Variants in CLEC14A observed in about 807,000 individuals in gnomAD.
CLEC14A encodes C-type lectin domain containing 14A, also known as C-type lectin domain family 14 member A.
For synonymous variants in CLEC14A, 349 were observed against 292.0 expected, an observed-to-expected ratio of 1.20 and a Z score of -1.99; for missense variants, 682 against 659.9, an observed-to-expected ratio of 1.03 and a Z score of -0.37.
In CLEC14A at chr14:38,256,025, T is replaced by G. The variant is rs1884051664; in HGVS notation, c.-3A>C. 6.6e-7 allele frequency: 1 copy of G among 1,518,514 alleles called. No individual in the cohort carries two copies. Among genetic ancestry groups the G allele is most frequent in the South Asian group, 1.2e-5 (1 of 80,010 alleles). The allele number at this position is 1,518,514 out of a possible 1,614,324, so 94.1% of individuals were successfully genotyped here. A position where few individuals can be genotyped will look rare whatever the true frequency, so the allele number is the denominator to read the frequency against. ...CACAGGGCGAACGCCGGCCTCATTC[T>G]CTGAGGCCCCGCACGCAGAGCTGCT... On this transcript the variant is annotated 5_prime_UTR_variant, in exon 1 of 1. Coordinates refer to ENST00000342213, the MANE Select transcript of CLEC14A (RefSeq NM_175060.3).
Position 38,255,838 on chromosome 14 carries a change from C to G in CLEC14A, c.185G>C (p.Ser62Thr). 1 of 1,546,428 alleles carries G rather than the reference C, an allele frequency of 6.5e-7. No homozygotes were observed. Among genetic ancestry groups the G allele is most frequent in the South Asian group, 1.2e-5 (1 of 84,794 alleles). Reference protein sequence around the residue: ...EACILRGGALSTVRAGAELRA... With the variant: ...EACILRGGALTTVRAGAELRA... Reference sequence around the variant, plus strand: ...CAGCTCGGCGCCCGCACGCACGGTGCTGAGCGCCCCACCTCGCAGGATGCA... The same window carrying G: ...CAGCTCGGCGCCCGCACGCACGGTGGTGAGCGCCCCACCTCGCAGGATGCA... Residue 62 changes from serine (S) to threonine (T), a missense_variant, in exon 1 of 1, where the codon AGC becomes ACC. Transcript: ENST00000342213. This position sits in a 1 kb window ranked among gnomAD's most constrained non-coding sequence, Gnocchi z 5.1.
rs757494573 is a variant in CLEC14A, at chr14:38,254,955, A to T, written c.1068T>A (p.Ser356=). The T allele has an allele frequency of 6.2e-7, 1 of 1,614,202 alleles. No homozygotes were observed. Among genetic ancestry groups the T allele is most frequent in the East Asian group, 2.2e-5 (1 of 44,864 alleles). Residue 356 remains serine, a synonymous_variant, in exon 1 of 1, where the codon TCT becomes TCA. Coordinates refer to ENST00000342213, the MANE Select transcript of CLEC14A (RefSeq NM_175060.3). ...CGGCTTGAAGGGACATTTGAAGGGT[A>T]GACATCGTGCTCTGTGATCCCCATC... The part of the protein sequence containing the change: ...IPRWGSQSTM[S]TLQMSLQAES...
In CLEC14A at chr14:38,255,785, C is replaced by A; in HGVS notation, c.238G>T (p.Gly80Cys). Residue 80 changes from glycine to cysteine, a missense_variant, in exon 1 of 1, where the codon GGC (glycine) becomes TGC (cysteine). Coordinates refer to ENST00000342213, the MANE Select transcript of CLEC14A (RefSeq NM_175060.3). The surrounding 1 kb of genome is among the most constrained non-coding windows in gnomAD (Gnocchi z 5.1). The stretch of plus-strand genomic sequence containing the variant: ...TTGGAGCCCCCTCCGGGCCCTGGGC[C>A]TGCCCGCAGGAGCGCGAGCACAGCG... The part of the protein sequence containing the change: ...LRAVLALLRA[G>C]PGPGGGSKDL... 6.5e-7 allele frequency: 1 copy of A among 1,542,912 alleles called. No homozygotes were observed. The highest frequency in any genetic ancestry group is 1.9e-5 in the Admixed American group (1 of 51,456).
At position 38,254,734 on chromosome 14, in the gene CLEC14A, G is replaced by C; in HGVS notation, c.1289C>G (p.Ser430Cys). ...LVKLCFHESP[S>C]SQPRKESMGP... ...CATAGACTCCTTCCTTGGCTGGGAA[G>C]AGGGGCTTTCGTGAAAGCAGAGCTT... Residue 430 changes from serine to cysteine, a missense_variant, in exon 1 of 1, where the codon TCT becomes TGT. Transcript: ENST00000342213. The C allele has an allele frequency of 6.2e-7, 1 of 1,614,114 alleles. No individual in the cohort carries two copies. The highest frequency in any genetic ancestry group is 1.1e-5 in the South Asian group (1 of 91,078).
In CLEC14A at chr14:38,255,931, C is replaced by G; in HGVS notation, c.92G>C (p.Cys31Ser). Reference sequence around the variant, plus strand: ...GCTGTAGCAGGCCCCCGAGGCCGAGCAGCCAGCACGGTCGGCAGTGGGGTG... The same window carrying G: ...GCTGTAGCAGGCCCCCGAGGCCGAGGAGCCAGCACGGTCGGCAGTGGGGTG... Reference protein sequence around the residue: ...GEHPTADRAGCSASGACYSLH... With the variant: ...GEHPTADRAGSSASGACYSLH... The change falls in exon 1 of 1, where the codon TGC becomes TCC. Residue 31 changes from cysteine to serine, a missense_variant. Transcript: ENST00000342213. The surrounding 1 kb of genome is among the most constrained non-coding windows in gnomAD (Gnocchi z 5.1). 1 of 1,565,496 alleles carries G rather than the reference C, an allele frequency of 6.4e-7. No homozygotes were observed. The highest frequency in any genetic ancestry group is 2.4e-5 in the East Asian group (1 of 42,214).
In CLEC14A at chr14:38,254,400, T is replaced by C. The variant is rs1883996917; in HGVS notation, c.*150A>G. On this transcript the variant is annotated 3_prime_UTR_variant, in exon 1 of 1. Transcript: ENST00000342213. Reference sequence around the variant, plus strand: ...CTATCATCAGGGAAGGAGTGTGCAGTTCTGATTTAGCTCCTCAGTGGAGTA... The same window carrying C: ...CTATCATCAGGGAAGGAGTGTGCAGCTCTGATTTAGCTCCTCAGTGGAGTA... 1.4e-6 allele frequency: 1 copy of C among 696,666 alleles called. No individual in the cohort carries two copies. Among genetic ancestry groups the C allele is most frequent in the Non-Finnish European group, 2.3e-6 (1 of 431,136 alleles). 43.2% of individuals were successfully genotyped at this position (696,666 alleles called of 1,614,324 possible). A position where few individuals can be genotyped will look rare whatever the true frequency, so the allele number is the denominator to read the frequency against.
chr14:38,255,450 G>C lies in CLEC14A; in HGVS notation c.573C>G (p.Ser191Arg). The C allele has an allele frequency of 1.2e-6, 2 of 1,613,308 alleles. No individual in the cohort carries two copies. ...APRPGAASNL[S>R]YRAPFQLHSA... The stretch of plus-strand genomic sequence containing the variant: ...TGTGCAGCTGGAAGGGCGCGCGATA[G>C]CTCAAGTTAGAGGCGGCCCCGGGGC... The change falls in exon 1 of 1, where the codon AGC becomes AGG. Residue 191 changes from serine (S) to arginine (R), a missense_variant. Transcript: ENST00000342213. The surrounding 1 kb of genome is among the most constrained non-coding windows in gnomAD (Gnocchi z 5.1).
Position 38,254,866 on chromosome 14 carries a change from G to T in CLEC14A, c.1157C>A (p.Ser386Tyr). The T allele has an allele frequency of 6.2e-7, 1 of 1,614,006 alleles. No individual in the cohort carries two copies. The highest frequency in any genetic ancestry group is 8.5e-7 in the Non-Finnish European group (1 of 1,179,946). ...VISKFNSTTS[S>Y]ATPQAFDSSS... ...GGAGTCGAAAGCCTGAGGAGTGGCA[G>T]AGGAAGTCGTAGAATTAAACTTGGA... is the stretch of plus-strand genomic sequence containing the variant. Residue 386 changes from serine to tyrosine, a missense_variant, in exon 1 of 1, where the codon TCT (serine) becomes TAT (tyrosine). Physicochemically the swap from Ser to Tyr is moderately radical, Grantham distance 144 (BLOSUM62 -2). Transcript: ENST00000342213.
At position 38,254,864 on chromosome 14, in the gene CLEC14A, C is replaced by T. The variant is rs985844647; in HGVS notation, c.1159G>A (p.Ala387Thr). The T allele has an allele frequency of 6.2e-7, 1 of 1,613,918 alleles. No homozygotes were observed. Among genetic ancestry groups the T allele is most frequent in the Non-Finnish European group, 8.5e-7 (1 of 1,179,894 alleles). ...GAGGAGTCGAAAGCCTGAGGAGTGG[C>T]AGAGGAAGTCGTAGAATTAAACTTG... The part of the protein sequence containing the change: ...ISKFNSTTSS[A>T]TPQAFDSSSA... The change falls in exon 1 of 1, where the codon GCC becomes ACC. Residue 387 changes from alanine to threonine, a missense_variant. By Grantham distance (58) the Ala-to-Thr change is moderately conservative. Transcript: ENST00000342213.
rs1243247524 is a variant in CLEC14A at position 38,254,617 on chromosome 14, C to G, written c.1406G>C (p.Cys469Ser). The G allele has an allele frequency of 1.2e-6, 2 of 1,614,042 alleles. No individual in the cohort carries two copies. The highest frequency in any genetic ancestry group is 1.7e-6 in the Non-Finnish European group (2 of 1,179,946). The change falls in exon 1 of 1, where the codon TGT becomes TCT. Residue 469 changes from cysteine to serine, a missense_variant. Coordinates refer to ENST00000342213, the MANE Select transcript of CLEC14A (RefSeq NM_175060.3). ...ACCCTCTGCTCTGTCCCGCAGATCACAGTCCCCGACTTTCACCCCATTGTT... is the reference window on the plus strand; with the variant it reads ...ACCCTCTGCTCTGTCCCGCAGATCAGAGTCCCCGACTTTCACCCCATTGTT... ...CTNNGVKVGD[C>S]DLRDRAEGAL...
chr14:38,255,890 T>G lies in CLEC14A; in HGVS notation c.133A>C (p.Met45Leu). ...GACYSLHHAT[M>L]KRQAAEEACI... is the part of the protein sequence containing the mutation. ...GCCTCCTCGGCCGCCTGCCGCTTCATGGTAGCGTGGTGCAGGCTGTAGCAG... is the reference window on the plus strand; with the variant it reads ...GCCTCCTCGGCCGCCTGCCGCTTCAGGGTAGCGTGGTGCAGGCTGTAGCAG... Residue 45 changes from methionine to leucine, a missense_variant, in exon 1 of 1, where the codon ATG becomes CTG. By Grantham distance (15) the Met-to-Leu change is conservative (BLOSUM62 2). Transcript: ENST00000342213. The surrounding 1 kb of genome is among the most constrained non-coding windows in gnomAD (Gnocchi z 5.1). 6.4e-7 allele frequency: 1 copy of G among 1,569,944 alleles called. No homozygotes were observed.
rs763265743 is a variant in CLEC14A, at chr14:38,255,244, G to T, written c.779C>A (p.Pro260His). The T allele has an allele frequency of 3.1e-6, 5 of 1,613,876 alleles. No individual in the cohort carries two copies. In the South Asian group the frequency reaches 4.4e-5, roughly 14 times the overall value. The stretch of plus-strand genomic sequence containing the variant: ...GCCTCCCAAGTCGTCTAGGCAGTTA[G>T]GGAGCTCTGCGCATTTGCCAGCACG... Reference protein sequence around the residue: ...YLRAGKCAELPNCLDDLGGFA... With the variant: ...YLRAGKCAELHNCLDDLGGFA... Residue 260 changes from proline (P) to histidine (H), a missense_variant, in exon 1 of 1, where the codon CCT becomes CAT. Physicochemically the swap from Pro to His is moderately conservative, Grantham distance 77 (BLOSUM62 -2). Transcript: ENST00000342213. This position sits in a 1 kb window ranked among gnomAD's most constrained non-coding sequence, Gnocchi z 5.1.
At position 38,255,830 on chromosome 14, in the gene CLEC14A, G is replaced by T. The variant is rs1297920804; in HGVS notation, c.193C>A (p.Arg65Ser). The T allele has an allele frequency of 1.3e-6, 2 of 1,542,590 alleles. No homozygotes were observed. The highest frequency in any genetic ancestry group is 1.9e-5 in the Admixed American group (1 of 52,028). The change falls in exon 1 of 1, where the codon CGT (arginine) becomes AGT (serine). Residue 65 changes from arginine (R) to serine (S), a missense_variant. Physicochemically the swap from Arg to Ser is moderately radical, Grantham distance 110. Transcript: ENST00000342213. This position sits in a 1 kb window ranked among gnomAD's most constrained non-coding sequence, Gnocchi z 5.1. Reference protein sequence around the residue: ...ILRGGALSTVRAGAELRAVLA... With the variant: ...ILRGGALSTVSAGAELRAVLA... ...ACAGCGCGCAGCTCGGCGCCCGCAC[G>T]CACGGTGCTGAGCGCCCCACCTCGC...
In CLEC14A at chr14:38,254,742, T is replaced by G; in HGVS notation, c.1281A>C (p.Glu427Asp). The change falls in exon 1 of 1, where the codon GAA becomes GAC. Residue 427 changes from glutamate (E) to aspartate (D), a missense_variant. Glu to Asp is a conservative substitution (Grantham distance 45). Transcript: ENST00000342213. ...VLGLVKLCFH[E>D]SPSSQPRKES... Reference sequence around the variant, plus strand: ...CCTTCCTTGGCTGGGAAGAGGGGCTTTCGTGAAAGCAGAGCTTGACAAGCC... The same window carrying G: ...CCTTCCTTGGCTGGGAAGAGGGGCTGTCGTGAAAGCAGAGCTTGACAAGCC... 1 of 1,614,040 alleles carries G rather than the reference T, an allele frequency of 6.2e-7. No homozygotes were observed. The highest frequency in any genetic ancestry group is 1.1e-5 in the South Asian group (1 of 91,078).
Position 38,255,354 on chromosome 14 carries a change from T to C in CLEC14A, c.669A>G (p.Ser223=), listed in dbSNP as rs1884026334. The C allele has an allele frequency of 6.2e-7, 1 of 1,613,408 alleles. No individual in the cohort carries two copies. The highest frequency in any genetic ancestry group is 8.5e-7 in the Non-Finnish European group (1 of 1,180,028). Residue 223 remains serine, a synonymous_variant, in exon 1 of 1, where the codon TCA becomes TCG. Transcript: ENST00000342213. This position sits in a 1 kb window ranked among gnomAD's most constrained non-coding sequence, Gnocchi z 5.1. ...CGATTTCGTCCGCGATGCAAGTAACTGAGATCGGGAGCTGTCCCCGGCAGA... is the reference window on the plus strand; with the variant it reads ...CGATTTCGTCCGCGATGCAAGTAACCGAGATCGGGAGCTGTCCCCGGCAGA... ...SALCRGQLPI[S]VTCIADEIGA...
In CLEC14A at chr14:38,255,971, G is replaced by A; in HGVS notation, c.52C>T (p.Pro18Ser). 1 of 1,546,042 alleles carries A rather than the reference G, an allele frequency of 6.5e-7. No homozygotes were observed. The highest frequency in any genetic ancestry group is 8.7e-7 in the Non-Finnish European group (1 of 1,146,612). The change falls in exon 1 of 1, where the codon CCG (proline) becomes TCG (serine). Residue 18 changes from proline (P) to serine (S), a missense_variant. Physicochemically the swap from Pro to Ser is moderately conservative, Grantham distance 74. Coordinates refer to ENST00000342213, the MANE Select transcript of CLEC14A (RefSeq NM_175060.3). This position sits in a 1 kb window ranked among gnomAD's most constrained non-coding sequence, Gnocchi z 5.1. ...CLLWQALWPG[P>S]GGGEHPTADR... is the part of the protein sequence containing the mutation. ...GCAGTGGGGTGTTCGCCGCCGCCCG[G>A]CCCGGGCCAGAGCGCCTGCCAGAGG... is the stretch of plus-strand genomic sequence containing the variant.
At position 38,255,421 on chromosome 14, in the gene CLEC14A, G is replaced by C; in HGVS notation, c.602C>G (p.Ala201Gly). The C allele has an allele frequency of 6.2e-7, 1 of 1,613,334 alleles. No homozygotes were observed. Among genetic ancestry groups the C allele is most frequent in the Non-Finnish European group, 8.5e-7 (1 of 1,180,016 alleles). ...SYRAPFQLHSAALDFSPPGTE... is the reference protein window; with the variant it reads ...SYRAPFQLHSGALDFSPPGTE... ...CCCAGGTGGACTGAAGTCCAGAGCG[G>C]CGCTGTGCAGCTGGAAGGGCGCGCG... Residue 201 changes from alanine (A) to glycine (G), a missense_variant, in exon 1 of 1, where the codon GCC (alanine) becomes GGC (glycine). By Grantham distance (60) the Ala-to-Gly change is moderately conservative. Coordinates refer to ENST00000342213, the MANE Select transcript of CLEC14A (RefSeq NM_175060.3). This position sits in a 1 kb window ranked among gnomAD's most constrained non-coding sequence, Gnocchi z 5.1.
Position 38,255,707 on chromosome 14 carries a change from CCAGGGTG to C in CLEC14A, c.309_315del (p.Cys103TrpfsTer86). The C allele has an allele frequency of 6.4e-7, 1 of 1,574,036 alleles. No homozygotes were observed. The highest frequency in any genetic ancestry group is 8.6e-7 in the Non-Finnish European group (1 of 1,162,974). On this transcript the variant is annotated frameshift_variant, in exon 1 of 1. Transcript: ENST00000342213. LOFTEE classifies it low-confidence loss of function (END_TRUNC). The surrounding 1 kb of genome is among the most constrained non-coding windows in gnomAD (Gnocchi z 5.1). ...GAGAAACCCCGCAAAGGCTCGTTCT[CCAGGGTG>C]CAGTGGGAACGCCTGCGCTCCAGTG...
rs1884047029 is a variant in CLEC14A, at chr14:38,255,890, T to C, written c.133A>G (p.Met45Val). 4 of 1,569,944 alleles carry C rather than the reference T, an allele frequency of 2.5e-6. No homozygotes were observed. Among genetic ancestry groups the C allele is most frequent in the East Asian group, 2.3e-5 (1 of 42,808 alleles). Residue 45 changes from methionine (M) to valine (V), a missense_variant, in exon 1 of 1, where the codon ATG becomes GTG. Met to Val is a conservative substitution (Grantham distance 21, BLOSUM62 1). Transcript: ENST00000342213. The surrounding 1 kb of genome is among the most constrained non-coding windows in gnomAD (Gnocchi z 5.1). The stretch of plus-strand genomic sequence containing the variant: ...GCCTCCTCGGCCGCCTGCCGCTTCA[T>C]GGTAGCGTGGTGCAGGCTGTAGCAG... ...GACYSLHHAT[M>V]KRQAAEEACI...
Sources: allele counts gnomAD v4.1 joint callset, GRCh38; gene constraint gnomAD v4.1.1; non-coding constraint Gnocchi (gnomAD v3.1); transcripts MANE v1.5; gene names NCBI Gene and HGNC (gene_info 2026-07-23, HGNC 2026-07-21).